Variants in CADPS2 observed in about 807,000 individuals in gnomAD.
The protein encoded by CADPS2 is calcium dependent secretion activator 2, also known as calcium-dependent secretion activator 2.
CADPS2 carries 93 observed loss-of-function variants against 172.5 expected under a neutral mutation model. The ratio of observed to expected loss-of-function variants is 0.54; its 90% CI spans 0.46 to 0.64. The LOEUF (loss-of-function observed/expected upper bound fraction) is 0.64. Ranked by LOEUF, CADPS2 falls within the 30% of genes least tolerant of loss-of-function variation. The pLI, the probability that CADPS2 is intolerant of heterozygous loss-of-function variation, is 0.00. For synonymous variants in CADPS2, 546 were observed against 555.2 expected, an observed-to-expected ratio of 0.98 and a Z score of 0.23; for missense variants, 1,420 against 1,565.9, an observed-to-expected ratio of 0.91 and a Z score of 1.57.
At chr7:122,869,239 C>T (rs1265293713) in intron 1 of CADPS2, among the ~76,000 whole-genome samples, 1 of 151,878 alleles carries the variant, frequency 6.6e-6, no homozygotes, top group African/African-American at 2.4e-5. Context: ...CAGAGACCCA[C>T]AATAAGACAC....
chr7:122,564,470 G>A (rs1349715814), intron 7 of CADPS2, among the ~76,000 whole-genome samples: 2 of 151,904 alleles, frequency 1.3e-5, no homozygotes, highest in Admixed American at 6.6e-5. Flanking sequence ...CACCATGCCT[G>A]GCTAATTTTT....
intron 20 of CADPS2, among the ~76,000 whole-genome samples, chr7:122,405,728 T>C (rs759288231): frequency 6.6e-6 from 1 of 152,208 alleles, no homozygotes; most frequent in African/African-American, 2.4e-5. Context: ...GATAATTGCA[T>C]GTGGTTTTAT....
At chr7:122,744,451 T>C (rs1470775629) in intron 1 of CADPS2, among the ~76,000 whole-genome samples, 1 of 152,202 alleles carries the variant, frequency 6.6e-6, no homozygotes, top group Non-Finnish European at 1.5e-5. Context: ...TGTGTTTTTT[T>C]GTAAGAAATG....
chr7:122,837,035 A>T (rs1442776411), intron 1 of CADPS2, among the ~76,000 whole-genome samples: 1 of 148,860 alleles, frequency 6.7e-6, no homozygotes, highest in African/African-American at 2.5e-5. Flanking sequence ...GAAGTAAAGC[A>T]CTCCTCAGCA....
intron 1 of CADPS2, among the ~76,000 whole-genome samples, chr7:122,761,499 T>C (rs2093376898): frequency 6.6e-6 from 1 of 152,126 alleles, no homozygotes; most frequent in South Asian, 2.1e-4. Context: ...CAAGCAAGGA[T>C]TGTCTGAGAA....
intron 4 of CADPS2, among the ~76,000 whole-genome samples, chr7:122,625,838 CTTT>C (rs1219681179): frequency 6.6e-6 from 1 of 152,006 alleles, no homozygotes; most frequent in Admixed American, 6.6e-5. Context: ...ATAACATCTA[CTTT>C]TTAATATTAT....
At chr7:122,472,272 G>C (rs2056065660) in intron 13 of CADPS2, among the ~76,000 whole-genome samples, 1 of 149,782 alleles carries the variant, frequency 6.7e-6, no homozygotes. Flanking sequence ...AGGGAGTATA[G>C]AGAGTTTTAA....
At chr7:122,841,646 AAG>A (rs1810541418) in intron 1 of CADPS2, among the ~76,000 whole-genome samples, 1 of 152,184 alleles carries the variant, frequency 6.6e-6, no homozygotes, top group Non-Finnish European at 1.5e-5. Flanking sequence ...AAAGCTGAAA[AAG>A]AGAAGATCCA....
intron 1 of CADPS2, among the ~76,000 whole-genome samples, chr7:122,866,906 T>G (rs1428828695): frequency 6.6e-6 from 1 of 152,164 alleles, no homozygotes; most frequent in African/African-American, 2.4e-5. Context: ...TGCATACCTC[T>G]CCAGATGCAA....
Position 122,513,296 on chromosome 7 carries a change from G to C in CADPS2, c.1495C>G (p.Gln499Glu), listed in dbSNP as rs759999546. The C allele has an allele frequency of 3.5e-5, 54 of 1,560,848 alleles. No individual in the cohort carries two copies. Among genetic ancestry groups the C allele is most frequent in the Non-Finnish European group, 4.4e-5 (51 of 1,151,150 alleles). ...KHSGYLYALG[Q>E]KVWKRWKKRY... ...TTTTTCCATCTTTTCCAAACCTTCT[G>C]TCCAAGGGCATACAGATATCTGGAA... The change falls in exon 9 of 30, where the codon CAG (glutamine) becomes GAG (glutamate). Residue 499 changes from glutamine (Q) to glutamate (E), a missense_variant. Coordinates refer to ENST00000449022, the MANE Select transcript of CADPS2 (RefSeq NM_017954.11).
rs1325450025 is a variant in CADPS2 at position 122,333,079 on chromosome 7, T to C, written c.3613-7498A>G. Among the ~76,000 whole-genome samples, 6 of 152,302 alleles carry C rather than the reference T, an allele frequency of 3.9e-5. No individual in the cohort carries two copies. The East Asian group carries it at 1.2e-3, about 29-fold the overall frequency. On this transcript the variant is annotated intron_variant, in intron 28 of 29. Transcript: ENST00000449022. ...GTCACCAGTTAATGGTTTGGCTCAT[T>C]GATAAATCCAGTTATAATGGTGTAT...
chr7:122,320,133 G>T lies in CADPS2; in HGVS notation c.*32C>A. ...AAAAATAAAAAACAATGTCGATCAA[G>T]GTCTTCCTTCCTTCTGCAAAGCTGT... On this transcript the variant is annotated 3_prime_UTR_variant, in exon 30 of 30. Coordinates refer to ENST00000449022, the MANE Select transcript of CADPS2 (RefSeq NM_017954.11). 1 of 1,517,460 alleles carries T rather than the reference G, an allele frequency of 6.6e-7. No individual in the cohort carries two copies. Among genetic ancestry groups the T allele is most frequent in the East Asian group, 2.4e-5 (1 of 42,196 alleles). 94.0% of individuals were successfully genotyped at this position (1,517,460 alleles called of 1,614,324 possible).
At chr7:122,701,030 A>G (rs1013429168) in intron 2 of CADPS2, among the ~76,000 whole-genome samples, 3 of 152,192 alleles carry the variant, frequency 2.0e-5, no homozygotes, top group East Asian at 3.8e-4. Flanking sequence ...GATATAAATT[A>G]TTAGATACCA....
At chr7:122,397,675 C>A (rs1339507512) in intron 20 of CADPS2, among the ~76,000 whole-genome samples, 1 of 152,108 alleles carries the variant, frequency 6.6e-6, no homozygotes, top group Non-Finnish European at 1.5e-5. Context: ...TAATATGTAG[C>A]CTGAGGCATC....
intron 8 of CADPS2, among the ~76,000 whole-genome samples, chr7:122,544,284 A>G (rs763631444): frequency 3.3e-5 from 5 of 152,182 alleles, no homozygotes; most frequent in Non-Finnish European, 7.3e-5. Flanking sequence ...TCAATGTGAC[A>G]TACATCATGG....
At chr7:122,427,041 GCTGTTCA>G (rs2049251967) in intron 17 of CADPS2, 1 of 152,152 alleles carries the variant, frequency 6.6e-6, no homozygotes, top group Non-Finnish European at 1.5e-5. Context: ...TCTAGCAAGA[GCTGTTCA>G]GAGTGTTACA....
At chr7:122,543,457 A>C (rs767067394) in intron 8 of CADPS2, among the ~76,000 whole-genome samples, 1 of 152,050 alleles carries the variant, frequency 6.6e-6, no homozygotes, top group Non-Finnish European at 1.5e-5. Flanking sequence ...AGTCTCAATA[A>C]ATTTACTCAT....
chr7:122,744,702 T>C (rs1423812867), intron 1 of CADPS2, among the ~76,000 whole-genome samples: 9 of 152,136 alleles, frequency 5.9e-5, no homozygotes, highest in Admixed American at 5.2e-4. Flanking sequence ...AAGTGATAAG[T>C]ACAGAACAGC....
intron 22 of CADPS2, 146 bp downstream of exon 22, chr7:122,393,050 G>T: frequency 1.1e-6 from 1 of 931,398 alleles, no homozygotes; most frequent in Non-Finnish European, 1.5e-6. Flanking sequence ...TAGCTTACTA[G>T]CTTAAAAACT....
Sources: allele counts gnomAD v4.1 joint callset (sites outside exome capture counted in the v4.1 genomes callset), GRCh38; gene constraint gnomAD v4.1.1; transcripts MANE v1.5; gene names NCBI Gene and HGNC (gene_info 2026-07-23, HGNC 2026-07-21).